The following ACTN2 variants were observed in gnomAD, a reference collection of about 807,000 sequenced individuals.
ACTN2 encodes the protein alpha-actinin-2.
ACTN2 carries 39 observed loss-of-function variants against 113.8 expected under a neutral mutation model. The observed-to-expected ratio is 0.34, with a 90% CI of 0.27 to 0.45. ACTN2 has a LOEUF of 0.45. ACTN2 is among the 20% of genes least tolerant of loss of function. ACTN2 has a pLI of 1.00. For missense variants in ACTN2, 992 were observed against 1,177.9 expected (o/e 0.84, Z 2.31); for synonymous variants, 429 against 444.1 (o/e 0.97, Z 0.43).
At chr1:236,753,244 T>C (rs1659455195) in intron 15 of ACTN2, among the ~76,000 whole-genome samples, 1 of 152,348 alleles carries the variant, frequency 6.6e-6, no homozygotes, top group African/African-American at 2.4e-5. Context: ...AAATATTTAA[T>C]ATTACCAAGG....
chr1:236,738,158 C>T (rs1658948566), intron 9 of ACTN2, among the ~76,000 whole-genome samples: 1 of 152,190 alleles, frequency 6.6e-6, no homozygotes, highest in Admixed American at 6.5e-5. Flanking sequence ...TACAGGCGTG[C>T]ACCACCACAC....
intron 18 of ACTN2, among the ~76,000 whole-genome samples, chr1:236,759,146 A>G (rs1157505956): frequency 6.6e-6 from 1 of 152,216 alleles, no homozygotes. Flanking sequence ...TTATAGCTTC[A>G]GCACACCTTT....
Position 236,762,655 on chromosome 1 carries a change from G to A in ACTN2, c.*36G>A. ...CTGTAATCACTCATCCCATCAGAAT[G>A]CAATAAAAGCGGAAGTCACAGTTTG... On this transcript the variant is annotated 3_prime_UTR_variant, in exon 21 of 21. Coordinates refer to ENST00000366578, the MANE Select transcript of ACTN2 (RefSeq NM_001103.4). The A allele has an allele frequency of 6.2e-7, 1 of 1,606,986 alleles. No homozygotes were observed. Among genetic ancestry groups the A allele is most frequent in the Non-Finnish European group, 8.5e-7 (1 of 1,176,262 alleles).
In ACTN2 at chr1:236,755,171, C is replaced by T. The variant is rs556612523; in HGVS notation, c.2127C>T (p.Asp709=). The T allele has an allele frequency of 2.8e-5, 45 of 1,614,154 alleles. No individual in the cohort carries two copies. In the South Asian group the frequency reaches 4.6e-4, roughly 17 times the overall value. Residue 709 remains aspartate, a synonymous_variant, in exon 17 of 21, where the codon GAC becomes GAT. Transcript: ENST00000366578. ...TCATCCAGGAGGCCCTTGTCTTTGA[C>T]AACAAGCACACGAACTACACGATGG... The part of the protein sequence containing the change: ...HQLIQEALVF[D]NKHTNYTMEH...
At chr1:236,761,214 A>G (rs376067704) in intron 20 of ACTN2, 41 bp downstream of exon 20, 103 of 1,611,596 alleles carry the variant, frequency 6.4e-5, no homozygotes, top group African/African-American at 3.6e-4. Flanking sequence ...GCAGGAGTCC[A>G]CTACATCCTT....
chr1:236,737,297 G>GTGTATATATATATA, intron 9 of ACTN2, 83 bp downstream of exon 9: 3 of 322,226 alleles, frequency 9.3e-6, no homozygotes, highest in East Asian at 5.8e-5. Context: ...CTCCGTGGGG[G>GTGTATATATATATA]CATATATATA....
At chr1:236,728,260 C>T (rs1484884166) in intron 6 of ACTN2, among the ~76,000 whole-genome samples, 1 of 151,792 alleles carries the variant, frequency 6.6e-6, no homozygotes, top group Non-Finnish European at 1.5e-5. Flanking sequence ...TCTCCTGCCT[C>T]AGCCTCCCGA....
At chr1:236,725,841 AC>A (rs1413840347) in intron 4 of ACTN2, 91 bp from the exon 5 acceptor site, 18 of 1,135,308 alleles carry the variant, frequency 1.6e-5, no homozygotes, top group Middle Eastern at 2.1e-4. Flanking sequence ...TGGGTGATCG[AC>A]CCCCTGGGAG....
Position 236,744,644 on chromosome 1 carries a change from T to C in ACTN2, c.1274T>C (p.Leu425Pro), listed in dbSNP as rs1572137003. The C allele has an allele frequency of 6.2e-6, 10 of 1,614,224 alleles. No individual in the cohort carries two copies. Among genetic ancestry groups the C allele is most frequent in the Non-Finnish European group, 8.5e-6 (10 of 1,180,038 alleles). The change falls in exon 12 of 21, where the codon CTG becomes CCG. Residue 425 changes from leucine (L) to proline (P), a missense_variant. This residue lies in a region of ACTN2 where 736 missense variants were observed against 815.4 expected (regional missense o/e 0.90). Transcript: ENST00000366578. ...TTTGCAGGCAAAGAGCAGATCTTGC[T>C]GCAGAAGGATTACGAGTCGGCGTCG... is the stretch of plus-strand genomic sequence containing the variant. The part of the protein sequence containing the change: ...TWAYGKEQIL[L>P]QKDYESASLT...
At chr1:236,709,344 G>GTATATATATATATATATATACGTGTATA (rs143270971) in intron 1 of ACTN2, among the ~76,000 whole-genome samples, 1 of 133,890 alleles carries the variant, frequency 7.5e-6, no homozygotes, top group African/African-American at 2.9e-5. Flanking sequence ...ATATATACGT[G>GTATATATATATATATATATACGTGTATA]TATATATATA....
chr1:236,744,729 G>A lies in ACTN2; in HGVS notation c.1359G>A (p.Ala453=), dbSNP rs780174131. The A allele has an allele frequency of 2.1e-5, 34 of 1,614,064 alleles. No homozygotes were observed. The highest frequency in any genetic ancestry group is 2.2e-5 in the East Asian group (1 of 44,882). Residue 453 remains alanine, a synonymous_variant, in exon 12 of 21, where the codon GCG becomes GCA. Coordinates refer to ENST00000366578, the MANE Select transcript of ACTN2 (RefSeq NM_001103.4). ...KHEAFESDLA[A]HQDRVEQIAA... is the part of the protein sequence containing the mutation. The stretch of plus-strand genomic sequence containing the variant: ...AGGCGTTCGAGAGCGACCTGGCAGC[G>A]CACCAGGACCGCGTGGAGCAGATCG...
chr1:236,727,522 G>A (rs1300476915), intron 5 of ACTN2, among the ~76,000 whole-genome samples, 156 bp from the exon 6 acceptor site: 12 of 152,090 alleles, frequency 7.9e-5, no homozygotes, highest in Non-Finnish European at 1.3e-4. Flanking sequence ...GAAGATGAGT[G>A]TTCAAGCTCA....
Position 236,744,757 on chromosome 1 carries a change from G to A in ACTN2, c.1387G>A (p.Ala463Thr). The change falls in exon 12 of 21, where the codon GCC (alanine) becomes ACC (threonine). Residue 463 changes from alanine (A) to threonine (T), a missense_variant. Ala to Thr is a moderately conservative substitution (Grantham distance 58). Around this residue, in one of 3 missense-constraint regions of ACTN2, gnomAD observed 736 missense variants for 815.4 expected, o/e 0.90. Coordinates refer to ENST00000366578, the MANE Select transcript of ACTN2 (RefSeq NM_001103.4). ...CCAGGACCGCGTGGAGCAGATCGCA[G>A]CCATCGCGCAGGAGCTCAAGTATGT... ...AHQDRVEQIA[A>T]IAQELNELDY... is the part of the protein sequence containing the mutation. The A allele has an allele frequency of 6.2e-7, 1 of 1,614,140 alleles. No individual in the cohort carries two copies. The highest frequency in any genetic ancestry group is 1.1e-5 in the South Asian group (1 of 91,080).
rs1203118251 is a variant in ACTN2, at chr1:236,693,670, C to T, written c.126+6871C>T. On this transcript the variant is annotated intron_variant, in intron 1 of 20. Transcript: ENST00000366578. ...CCCTGCCTCTTCCCCTCCCTGTGTG[C>T]TCCAAGGCCTTCAGGCTTTCCACCT... 2.0e-5 allele frequency among the ~76,000 whole-genome samples: 3 copies of T among 152,200 alleles called. No individual in the cohort carries two copies. In the East Asian group the frequency reaches 5.8e-4, roughly 29 times the overall value.
chr1:236,735,698 A>G lies in ACTN2; in HGVS notation c.761A>G (p.His254Arg). The change falls in exon 8 of 21, where the codon CAC becomes CGC. Residue 254 changes from histidine to arginine, a missense_variant. By Grantham distance (29) the His-to-Arg change is conservative (BLOSUM62 0). Transcript: ENST00000366578. ...AIMTYVSCFY[H>R]AFAGAEQAET... ...ATGACGTACGTCTCTTGCTTCTACCACGCTTTTGCGGGCGCGGAGCAGGTA... is the reference window on the plus strand; with the variant it reads ...ATGACGTACGTCTCTTGCTTCTACCGCGCTTTTGCGGGCGCGGAGCAGGTA... 1 of 1,613,780 alleles carries G rather than the reference A, an allele frequency of 6.2e-7. No individual in the cohort carries two copies. Among genetic ancestry groups the G allele is most frequent in the Non-Finnish European group, 8.5e-7 (1 of 1,179,964 alleles).
intron 8 of ACTN2, 90 bp from the exon 9 acceptor site, chr1:236,737,032 C>T: frequency 1.8e-6 from 2 of 1,088,434 alleles, no homozygotes; most frequent in South Asian, 1.3e-5. Context: ...CGCCACCCTC[C>T]TCGTCCCCTC....
intron 6 of ACTN2, among the ~76,000 whole-genome samples, chr1:236,729,417 G>A (rs1000009390): frequency 1.3e-5 from 2 of 152,324 alleles, no homozygotes; most frequent in Admixed American, 6.5e-5. Context: ...GCCACTACAC[G>A]TTTCCTGCCG....
At chr1:236,708,708 T>C (rs1038658313) in intron 1 of ACTN2, among the ~76,000 whole-genome samples, 2 of 152,222 alleles carry the variant, frequency 1.3e-5, no homozygotes, top group African/African-American at 4.8e-5. Flanking sequence ...TGGGCCTTGC[T>C]GGCTGGGGGG....
At chr1:236,713,104 C>T (rs982895158) in intron 1 of ACTN2, among the ~76,000 whole-genome samples, 8 of 151,852 alleles carry the variant, frequency 5.3e-5, no homozygotes, top group Non-Finnish European at 1.2e-4. Context: ...AATATTCGTT[C>T]ATAGGGAGCT....
Sources: allele counts gnomAD v4.1 joint callset (sites outside exome capture counted in the v4.1 genomes callset), GRCh38; gene constraint gnomAD v4.1.1; regional missense constraint gnomAD v4.1.1; transcripts MANE v1.5; gene names NCBI Gene and HGNC (gene_info 2026-07-23, HGNC 2026-07-21).